DLGAP2: variants seen among roughly 807,000 people sequenced by gnomAD.
The protein encoded by DLGAP2 is disks large-associated protein 2.
DLGAP2 carries 26 observed loss-of-function variants against 100.3 expected under a neutral mutation model. The observed-to-expected ratio is 0.26, with a 90% CI of 0.19 to 0.36. The LOEUF is 0.36. Among genes scored for constraint, DLGAP2 ranks in the 10% least tolerant of loss-of-function variants. The pLI is 1.00. For synonymous variants in DLGAP2, 886 were observed against 630.1 expected (o/e 1.41, Z -6.08); for missense variants, 1,858 against 1,453.2 (o/e 1.28, Z -4.53).
At chr8:1,634,432 A>G (rs751069303) in intron 8 of DLGAP2, among the ~76,000 whole-genome samples, 56 of 152,122 alleles carry the variant, frequency 3.7e-4, no homozygotes, top group Middle Eastern at 3.4e-3. Context: ...CTGACAACAC[A>G]TCCCCCAGGT....
chr8:1,226,177 G>A (rs549732764), intron 2 of DLGAP2, among the ~76,000 whole-genome samples: 12 of 152,188 alleles, frequency 7.9e-5, no homozygotes, highest in African/African-American at 2.2e-4. Context: ...GCATGCGCAC[G>A]TATGTTCAGT....
At chr8:1,388,814 C>T (rs1484091981) in intron 3 of DLGAP2, among the ~76,000 whole-genome samples, 9 of 107,994 alleles carry the variant, frequency 8.3e-5, no homozygotes, top group African/African-American at 2.6e-4. Context: ...AGGCAGAGGC[C>T]GTGGATGAGG....
intron 3 of DLGAP2, among the ~76,000 whole-genome samples, chr8:1,455,266 T>A (rs989588503): frequency 6.6e-6 from 1 of 152,210 alleles, no homozygotes. Flanking sequence ...GTCCCGCCCA[T>A]CTCAGGCACT....
chr8:1,463,739 G>A (rs1389973213), intron 3 of DLGAP2, among the ~76,000 whole-genome samples: 1 of 152,254 alleles, frequency 6.6e-6, no homozygotes, highest in Non-Finnish European at 1.5e-5. Context: ...TGGTGTGAGC[G>A]GCCCAGGCCC....
intron 1 of DLGAP2, among the ~76,000 whole-genome samples, chr8:802,332 C>G (rs73181027): frequency 6.7e-6 from 1 of 148,914 alleles, no homozygotes; most frequent in Non-Finnish European, 1.5e-5. Flanking sequence ...GAATAGTCCG[C>G]GCTCCTCCTG....
intron 6 of DLGAP2, among the ~76,000 whole-genome samples, chr8:1,614,347 C>G (rs1041317956): frequency 6.6e-6 from 1 of 152,204 alleles, no homozygotes; most frequent in African/African-American, 2.4e-5. Context: ...TCAGTGAACA[C>G]GGAATTACCA....
rs962849791 is a variant in DLGAP2, at chr8:778,730, A to C, written c.18+40905A>C. Among the ~76,000 whole-genome samples the C allele has an allele frequency of 1.3e-3, 205 of 152,362 alleles. 1 individual carries two copies. The highest frequency in any genetic ancestry group is 6.8e-3 in the Middle Eastern group (2 of 294). The stretch of plus-strand genomic sequence containing the variant: ...TCTCCAGCTGCGTACTGGGAGAACC[A>C]CTGCTCTCTTCAAAGCTGTCAGACA... On this transcript the variant is annotated intron_variant, in intron 1 of 14. Transcript: ENST00000637795.
chr8:1,623,507 GATGACCTGACACCAGTGCGTC>G (rs1563263449), intron 6 of DLGAP2, among the ~76,000 whole-genome samples: 6 of 150,054 alleles, frequency 4.0e-5, no homozygotes, highest in East Asian at 2.0e-4. Flanking sequence ...ACCAGTGCGT[GATGACCTGACACCAGTGCGTC>G]ATGACCTGAC....
At chr8:1,688,348 C>T (rs1799167189) in intron 12 of DLGAP2, 1 of 152,250 alleles carries the variant, frequency 6.6e-6, no homozygotes, top group African/African-American at 2.4e-5. Flanking sequence ...CGACAGACAA[C>T]CTTCCATCCT....
intron 4 of DLGAP2, among the ~76,000 whole-genome samples, chr8:1,548,297 T>C (rs1487666488): frequency 6.6e-6 from 1 of 151,608 alleles, no homozygotes; most frequent in South Asian, 2.1e-4. Context: ...TCGTCTCTAC[T>C]AAAAATACAA....
At chr8:1,413,861 A>G in intron 3 of DLGAP2, among the ~76,000 whole-genome samples, 1 of 152,246 alleles carries the variant, frequency 6.6e-6, no homozygotes. Context: ...GCACGTGCAG[A>G]TGCACAATGT....
chr8:831,713 T>G (rs750597276), intron 1 of DLGAP2, among the ~76,000 whole-genome samples: 8 of 152,230 alleles, frequency 5.3e-5, no homozygotes, highest in Non-Finnish European at 8.8e-5. Context: ...TGATTTATAA[T>G]CCTTTGGGTA....
chr8:1,140,157 G>A (rs1015062262), intron 2 of DLGAP2, among the ~76,000 whole-genome samples: 1 of 152,238 alleles, frequency 6.6e-6, no homozygotes, highest in Admixed American at 6.5e-5. Flanking sequence ...ACAGCACTTG[G>A]CCAGGCCCAT....
chr8:976,068 C>T (rs188246179), intron 2 of DLGAP2, among the ~76,000 whole-genome samples: 4 of 151,984 alleles, frequency 2.6e-5, no homozygotes, highest in South Asian at 2.1e-4. Context: ...AATTGGAATT[C>T]GAAATGGAAG....
chr8:749,113 C>T (rs1483175405), intron 1 of DLGAP2, among the ~76,000 whole-genome samples: 1 of 152,168 alleles, frequency 6.6e-6, no homozygotes, highest in South Asian at 2.1e-4. Context: ...GATATTCCTG[C>T]CTCAGCCCTT....
rs759172816 is a variant in DLGAP2, at chr8:1,227,153, G to GATATATAT, written c.74-31684_74-31677dup. ...AAATGAATGGGTAAGGAAACTGTGAGATATATATATATATATATATAGTAT... is the reference window on the plus strand; with the variant it reads ...AAATGAATGGGTAAGGAAACTGTGAGATATATATATATATATATATATATATATAGTAT... On this transcript the variant is annotated intron_variant, in intron 2 of 14. Coordinates refer to ENST00000637795, the MANE Select transcript of DLGAP2 (RefSeq NM_001346810.2). Among the ~76,000 whole-genome samples, 173 of 89,692 alleles carry GATATATAT rather than the reference G, an allele frequency of 1.9e-3. 10 individuals are homozygous for GATATATAT. The South Asian group carries it at 0.024, about 12-fold the overall frequency. The allele number at this position is 89,692 out of a possible 152,430, so 58.8% of individuals were successfully genotyped here.
intron 8 of DLGAP2, among the ~76,000 whole-genome samples, chr8:1,667,406 G>C (rs1228704274): frequency 6.6e-6 from 1 of 152,128 alleles, no homozygotes; most frequent in Non-Finnish European, 1.5e-5. Flanking sequence ...TTTGGGAGGA[G>C]ACTGGCTGGT....
chr8:833,161 G>A (rs994469697), intron 1 of DLGAP2, among the ~76,000 whole-genome samples: 2 of 152,206 alleles, frequency 1.3e-5, no homozygotes, highest in Admixed American at 6.5e-5. Flanking sequence ...TAAGGCCGAT[G>A]TCTGAGAGCT....
intron 2 of DLGAP2, among the ~76,000 whole-genome samples, chr8:922,421 A>G (rs1263109681): frequency 6.6e-6 from 1 of 152,230 alleles, no homozygotes; most frequent in East Asian, 1.9e-4. Context: ...TTGCCCCCAA[A>G]ATTTAAAAGT....
Sources: gnomAD v4.1 joint callset for allele counts (sites outside exome capture counted in the v4.1 genomes callset) on GRCh38, gnomAD v4.1.1 for gene constraint, MANE v1.5 for transcripts, NCBI Gene and HGNC (gene_info 2026-07-23, HGNC 2026-07-21) for gene names.